ACACA: variants seen among roughly 807,000 people sequenced by gnomAD.
ACACA encodes the protein acetyl-CoA carboxylase 1.
ACACA carries 103 observed loss-of-function variants against 296.1 expected under a neutral mutation model. The ratio of observed to expected loss-of-function variants is 0.35; its 90% CI spans 0.30 to 0.41. The LOEUF (loss-of-function observed/expected upper bound fraction) is 0.41. ACACA is among the 10% of genes least tolerant of loss of function. ACACA has a pLI of 1.00. For missense variants in ACACA, 1,554 were observed against 2,989.7 expected (o/e 0.52, Z 11.20); for synonymous variants, 953 against 1,038.6 (o/e 0.92, Z 1.58).
chr17:37,286,520 T>C (rs1304753652), intron 3 of ACACA, among the ~76,000 whole-genome samples: 1 of 152,214 alleles, frequency 6.6e-6, no homozygotes, highest in Admixed American at 6.5e-5. Context: ...CTTCCTGTTC[T>C]GTTCACCAAA....
At position 37,253,140 on chromosome 17, in the gene ACACA, C is replaced by T. The variant is rs915960157; in HGVS notation, c.1827-104G>A. 5.2e-6 allele frequency: 8 copies of T among 1,539,984 alleles called. No homozygotes were observed. The African/African-American group carries it at 8.2e-5, about 16-fold the overall frequency. On this transcript the variant is annotated intron_variant, in intron 14 of 55. Transcript: ENST00000616317. ...GGCATGGTGGCTCACGCCTGTAATC[C>T]TAACACTTTGGGAGGCCAAGACAAG...
At chr17:37,171,199 ATTG>A (rs1337057131) in intron 41 of ACACA, among the ~76,000 whole-genome samples, 3 of 152,160 alleles carry the variant, frequency 2.0e-5, no homozygotes, top group Admixed American at 1.3e-4. Context: ...TGTAAAACCT[ATTG>A]TTCTAATTCT....
intron 3 of ACACA, among the ~76,000 whole-genome samples, chr17:37,325,638 A>G (rs2047584226): frequency 8.8e-6 from 1 of 114,182 alleles, no homozygotes; most frequent in Non-Finnish European, 1.6e-5. Flanking sequence ...CAATGGCATG[A>G]TCTCGGCTCA....
intron 45 of ACACA, chr17:37,144,343 C>A (rs1020337827): frequency 4.0e-6 from 2 of 503,806 alleles, no homozygotes; most frequent in Non-Finnish European, 7.3e-6. Flanking sequence ...GCCTGTCTGG[C>A]TCTCGCTTGC....
At chr17:37,285,904 T>G (rs1489125632) in intron 3 of ACACA, among the ~76,000 whole-genome samples, 2 of 152,170 alleles carry the variant, frequency 1.3e-5, no homozygotes, top group Non-Finnish European at 2.9e-5. Flanking sequence ...TTTTTGTTGT[T>G]GTTTTGAGCC....
At chr17:37,304,023 T>C (rs1427869879) in intron 3 of ACACA, among the ~76,000 whole-genome samples, 1 of 152,256 alleles carries the variant, frequency 6.6e-6, no homozygotes, top group Non-Finnish European at 1.5e-5. Context: ...ATCTCATTGC[T>C]ATTTTAATTT....
At position 37,130,198 on chromosome 17, in the gene ACACA, G is replaced by T; in HGVS notation, c.5700C>A (p.Tyr1900Ter). The change falls in exon 46 of 56, where the codon TAC becomes TAA. Residue 1900 changes from tyrosine to a stop codon, truncating the protein, a stop_gained. Coordinates refer to ENST00000616317, the MANE Select transcript of ACACA (RefSeq NM_198834.3). LOFTEE classifies it high-confidence loss of function. ...ALNKVLGREV[Y>*]TSNNQLGGIQ... ...TGCCCCCCAGCTGGTTATTGGAGGTGTACACTTCCCGCCCGAGGACCTAGA... is the reference window on the plus strand; with the variant it reads ...TGCCCCCCAGCTGGTTATTGGAGGTTTACACTTCCCGCCCGAGGACCTAGA... 1 of 1,614,164 alleles carries T rather than the reference G, an allele frequency of 6.2e-7. No homozygotes were observed. Among genetic ancestry groups the T allele is most frequent in the South Asian group, 1.1e-5 (1 of 91,086 alleles).
intron 3 of ACACA, among the ~76,000 whole-genome samples, chr17:37,314,072 C>A (rs1416381839): frequency 6.6e-6 from 1 of 151,510 alleles, no homozygotes; most frequent in Non-Finnish European, 1.5e-5. Context: ...GTAGATATTT[C>A]CCTAAGACAT....
intron 50 of ACACA, among the ~76,000 whole-genome samples, chr17:37,115,481 G>A (rs2074199639): frequency 6.6e-6 from 1 of 151,960 alleles, no homozygotes; most frequent in Admixed American, 6.6e-5. Flanking sequence ...ATAAAAGACA[G>A]CACAAAAAGT....
At chr17:37,352,559 G>GAAA (rs938776663) in intron 1 of ACACA, among the ~76,000 whole-genome samples, 4 of 144,974 alleles carry the variant, frequency 2.8e-5, no homozygotes, top group Non-Finnish European at 4.6e-5. Context: ...CCAAAATTAA[G>GAAA]AAAAAAAAAA....
chr17:37,324,422 C>T (rs972849765), intron 3 of ACACA, among the ~76,000 whole-genome samples: 5 of 151,534 alleles, frequency 3.3e-5, no homozygotes, highest in Non-Finnish European at 2.9e-5. Flanking sequence ...ATACTCCCAG[C>T]ACTTTGGGAG....
At position 37,122,525 on chromosome 17, in the gene ACACA, G is replaced by T. The variant is rs1434941417; in HGVS notation, c.6138+6C>A. The T allele has an allele frequency of 8.1e-6, 13 of 1,613,314 alleles. No homozygotes were observed. The South Asian group carries it at 1.3e-4, about 16-fold the overall frequency. On this transcript the variant is annotated splice_donor_region_variant and intron_variant, in intron 49 of 55. Coordinates refer to ENST00000616317, the MANE Select transcript of ACACA (RefSeq NM_198834.3). The stretch of plus-strand genomic sequence containing the variant: ...CACAGCCCCCAGTGTACTTGAGGTG[G>T]CCTACCTTGGCTTCAGAATCCAGGT...
At chr17:37,377,948 G>A in intron 1 of ACACA, 1 of 1,613,660 alleles carries the variant, frequency 6.2e-7, no homozygotes, top group Non-Finnish European at 8.5e-7. Context: ...AGAAGCATCA[G>A]AGAATTGCAA....
chr17:37,264,020 G>A, intron 10 of ACACA, 126 bp from the exon 11 acceptor site: 1 of 745,272 alleles, frequency 1.3e-6, no homozygotes, highest in Non-Finnish European at 2.2e-6. Context: ...TTAATCAGCA[G>A]AAATACAAAA....
chr17:37,191,306 G>A (rs1230802416), intron 37 of ACACA, 31 bp from the exon 38 acceptor site: 1 of 1,604,496 alleles, frequency 6.2e-7, no homozygotes, highest in Non-Finnish European at 8.5e-7. Flanking sequence ...CAACATTAAT[G>A]TAGTTTAAAA....
intron 1 of ACACA, among the ~76,000 whole-genome samples, chr17:37,345,779 T>A (rs2048586963): frequency 6.6e-6 from 1 of 152,146 alleles, no homozygotes; most frequent in South Asian, 2.1e-4. Flanking sequence ...TGAGTACTAT[T>A]CAAAATCATC....
chr17:37,187,657 C>T (rs935368416), intron 39 of ACACA, among the ~76,000 whole-genome samples: 3 of 152,174 alleles, frequency 2.0e-5, no homozygotes, highest in African/African-American at 7.2e-5. Context: ...TACCTGAAAA[C>T]GGGTTTAAAT....
intron 3 of ACACA, among the ~76,000 whole-genome samples, chr17:37,318,740 T>A (rs2047208691): frequency 1.3e-5 from 2 of 152,182 alleles, no homozygotes; most frequent in African/African-American, 4.8e-5. Context: ...ATTATACCAA[T>A]ATGGCACATT....
intron 1 of ACACA, among the ~76,000 whole-genome samples, chr17:37,401,675 C>G (rs972255435): frequency 1.3e-5 from 2 of 151,948 alleles, no homozygotes; most frequent in African/African-American, 4.8e-5. Context: ...TCTCCTACCT[C>G]AGCCTCCCAA....
Sources: allele counts gnomAD v4.1 joint callset (sites outside exome capture counted in the v4.1 genomes callset), GRCh38; gene constraint gnomAD v4.1.1; transcripts MANE v1.5; gene names NCBI Gene and HGNC (gene_info 2026-07-23, HGNC 2026-07-21).